The following ARFGEF1 variants were observed in gnomAD, a reference collection of about 807,000 sequenced individuals.
The protein encoded by ARFGEF1 is ARF guanine nucleotide exchange factor 1.
A neutral mutation model predicts 231.0 loss-of-function variants in ARFGEF1; 42 were observed. That is an observed-to-expected ratio of 0.18 (90% CI 0.14 to 0.24). The LOEUF (loss-of-function observed/expected upper bound fraction) is 0.24, where lower values mean the gene tolerates loss of function less well. ARFGEF1 is among the 10% of genes least tolerant of loss of function. The probability of loss-of-function intolerance (pLI) is 1.00; values close to 1 mark genes in which losing one functional copy is unlikely to be tolerated. For missense variants in ARFGEF1, 1,345 were observed against 2,192.0 expected, an observed-to-expected ratio of 0.61 and a Z score of 7.72; for synonymous variants, 710 against 732.3, an observed-to-expected ratio of 0.97 and a Z score of 0.49.
At chr8:67,229,451 T>C (rs1249463568) in intron 23 of ARFGEF1, among the ~76,000 whole-genome samples, 3 of 152,010 alleles carry the variant, frequency 2.0e-5, no homozygotes, top group Non-Finnish European at 4.4e-5. Flanking sequence ...AAAAACAATA[T>C]AGGAAAAACA....
At chr8:67,312,914 G>A (rs985052852) in intron 1 of ARFGEF1, among the ~76,000 whole-genome samples, 2 of 152,024 alleles carry the variant, frequency 1.3e-5, no homozygotes, top group Non-Finnish European at 2.9e-5. Flanking sequence ...CAAATATAAA[G>A]AGATACACTC....
intron 29 of ARFGEF1, 59 bp from the exon 30 acceptor site, chr8:67,219,619 A>G (rs1839078416): frequency 4.6e-6 from 7 of 1,512,714 alleles, no homozygotes; most frequent in Non-Finnish European, 6.2e-6. Flanking sequence ...TTCTCCTAAA[A>G]TAGTTTTTAG....
chr8:67,203,030 C>T (rs1838388998), intron 36 of ARFGEF1, 53 bp downstream of exon 36: 2 of 1,556,380 alleles, frequency 1.3e-6, no homozygotes, highest in African/African-American at 1.4e-5. Flanking sequence ...CTGTATGTAC[C>T]TGTCCCACAT....
rs1424638494 is a variant in ARFGEF1, at chr8:67,227,120, G to A, written c.3916+17C>T. 4 of 1,600,554 alleles carry A rather than the reference G, an allele frequency of 2.5e-6. No homozygotes were observed. Among genetic ancestry groups the A allele is most frequent in the Non-Finnish European group, 2.6e-6 (3 of 1,171,768 alleles). On this transcript the variant is annotated intron_variant, in intron 27 of 38. Transcript: ENST00000262215. ...TTTTTTTTCCTTTTACTTGAACACA[G>A]CTAAGAGAATACTCACTGACAATGT...
At chr8:67,320,333 A>G (rs1164793702) in intron 1 of ARFGEF1, among the ~76,000 whole-genome samples, 1 of 151,988 alleles carries the variant, frequency 6.6e-6, no homozygotes, top group East Asian at 1.9e-4. Context: ...ACATGGTTAA[A>G]TTTTAAAAAT....
chr8:67,184,434 A>C (rs1178494186), intron 5 of ARFGEF1, among the ~76,000 whole-genome samples: 1 of 152,186 alleles, frequency 6.6e-6, no homozygotes, highest in Non-Finnish European at 1.5e-5. Flanking sequence ...CAAATTACTA[A>C]TACCAGAAAC....
intron 1 of ARFGEF1, among the ~76,000 whole-genome samples, chr8:67,325,057 G>GT (rs770724927): frequency 1.9e-4 from 29 of 152,110 alleles, no homozygotes; most frequent in Non-Finnish European, 3.8e-4. Flanking sequence ...GGGATTATAG[G>GT]TATGCACCAC....
At chr8:67,197,329 C>G (rs2129577004), downstream of ARFGEF1, among the ~76,000 whole-genome samples, 1 of 152,086 alleles carries the variant, frequency 6.6e-6, no homozygotes, top group South Asian at 2.1e-4. Context: ...TGGTGTGTGC[C>G]TACAGTCCTC....
intron 34 of ARFGEF1, among the ~76,000 whole-genome samples, chr8:67,210,509 G>C (rs1838695133): frequency 6.6e-6 from 1 of 151,696 alleles, no homozygotes; most frequent in Non-Finnish European, 1.5e-5. Flanking sequence ...AAAAACAAGT[G>C]GGGTGCTCCT....
intron 6 of ARFGEF1, among the ~76,000 whole-genome samples, chr8:67,291,419 C>CT (rs58068449): frequency 0.07 from 10,144 of 145,596 alleles, 825 homozygotes; most frequent in African/African-American, 0.2. Flanking sequence ...AATTTCAGTA[C>CT]TTTTTTTTTT....
Position 67,343,707 on chromosome 8 carries a change from G to T in ARFGEF1, c.-420C>A. 2 of 705,228 alleles carry T rather than the reference G, an allele frequency of 2.8e-6. No homozygotes were observed. Among genetic ancestry groups the T allele is most frequent in the East Asian group, 1.3e-4 (1 of 7,868 alleles). 43.7% of individuals were successfully genotyped at this position (705,228 alleles called of 1,614,324 possible). The stretch of plus-strand genomic sequence containing the variant: ...GAAGGGCTACCCTGGCTACTGTGGG[G>T]ATTAGCACCCGCCGCGGCCGCGAAC... On this transcript the variant is annotated 5_prime_UTR_variant, in exon 1 of 39. Coordinates refer to ENST00000262215, the MANE Select transcript of ARFGEF1 (RefSeq NM_006421.5).
chr8:67,302,604 A>G (rs1806542375), intron 1 of ARFGEF1, 138 bp from the exon 2 acceptor site: 2 of 522,732 alleles, frequency 3.8e-6, no homozygotes, highest in Non-Finnish European at 3.2e-6. Context: ...ATTAGATGCT[A>G]AAATTGTTTC....
Position 67,291,919 on chromosome 8 carries a change from G to C in ARFGEF1, c.844C>G (p.Pro282Ala). The change falls in exon 6 of 39, where the codon CCT becomes GCT. Residue 282 changes from proline to alanine, a missense_variant. By Grantham distance (27) the Pro-to-Ala change is conservative (BLOSUM62 -1). Around this residue, in one of 14 missense-constraint regions of ARFGEF1, gnomAD observed 398 missense variants for 463.2 expected, o/e 0.86. Transcript: ENST00000262215. ...CTGGAAATATCAGATCCATTTTCAG[G>C]CTCTGTGTCATCCTGAAGACTTTTA... ...VDKSLQDDTE[P>A]ENGSDISSAE... The C allele has an allele frequency of 1.9e-6, 3 of 1,613,890 alleles. No individual in the cohort carries two copies. Among genetic ancestry groups the C allele is most frequent in the Non-Finnish European group, 2.5e-6 (3 of 1,179,880 alleles).
chr8:67,182,553 G>A (rs754508971), intron 5 of ARFGEF1, among the ~76,000 whole-genome samples: 1 of 152,190 alleles, frequency 6.6e-6, no homozygotes, highest in Non-Finnish European at 1.5e-5. Flanking sequence ...ATTATTTGAA[G>A]ACTCACCACA....
intron 13 of ARFGEF1, 132 bp from the exon 14 acceptor site, chr8:67,266,339 T>C (rs185327982): frequency 1.5e-6 from 1 of 663,048 alleles, no homozygotes; most frequent in East Asian, 2.7e-5. Context: ...AAATAACTAT[T>C]AGGTAACATA....
At chr8:67,308,414 G>T (rs1806844869) in intron 1 of ARFGEF1, among the ~76,000 whole-genome samples, 1 of 152,174 alleles carries the variant, frequency 6.6e-6, no homozygotes, top group Non-Finnish European at 1.5e-5. Flanking sequence ...CCAGGATCAT[G>T]GAAAGCTCTT....
intron 9 of ARFGEF1, among the ~76,000 whole-genome samples, chr8:67,273,372 T>A (rs1359842533): frequency 7.8e-6 from 1 of 128,846 alleles, no homozygotes; most frequent in Non-Finnish European, 1.5e-5. Context: ...ACATTTCAAA[T>A]GCGGAACACA....
At chr8:67,228,731 T>C (rs1839461838) in intron 23 of ARFGEF1, among the ~76,000 whole-genome samples, 1 of 152,078 alleles carries the variant, frequency 6.6e-6, no homozygotes. Flanking sequence ...TAATATAACC[T>C]TGCAAATAGT....
Position 67,207,606 on chromosome 8 carries a change from G to T in ARFGEF1, c.4820-2787C>A, listed in dbSNP as rs140700706. ...ACACAACAGAGAGCAAAGCTAAGCAGATTTTAACTATGTGGGACTACAGGT... is the reference window on the plus strand; with the variant it reads ...ACACAACAGAGAGCAAAGCTAAGCATATTTTAACTATGTGGGACTACAGGT... On this transcript the variant is annotated intron_variant, in intron 34 of 38. Transcript: ENST00000262215. Among the ~76,000 whole-genome samples the T allele has an allele frequency of 2.3e-4, 35 of 152,342 alleles. 1 individual carries two copies. The East Asian group carries it at 6.5e-3, about 29-fold the overall frequency.
Sources: allele counts gnomAD v4.1 joint callset (sites outside exome capture counted in the v4.1 genomes callset), GRCh38; gene constraint gnomAD v4.1.1; regional missense constraint gnomAD v4.1.1; transcripts MANE v1.5; gene names NCBI Gene and HGNC (gene_info 2026-07-23, HGNC 2026-07-21).